The following SLC4A8 variants were observed in gnomAD, a reference collection of about 807,000 sequenced individuals.
The protein encoded by SLC4A8 is electroneutral sodium bicarbonate exchanger 1.
In SLC4A8, 40 loss-of-function variants were observed where a neutral mutation model predicts 125.0. The observed-to-expected ratio is 0.32, with a 90% confidence interval of 0.25 to 0.42. SLC4A8 has a LOEUF of 0.42. Ranked by LOEUF, SLC4A8 falls within the 10% of genes least tolerant of loss-of-function variation. SLC4A8 has a pLI of 1.00. For synonymous variants in SLC4A8, 456 were observed against 476.0 expected, an observed-to-expected ratio of 0.96 and a Z score of 0.55; for missense variants, 863 against 1,355.1, an observed-to-expected ratio of 0.64 and a Z score of 5.70.
chr12:51,501,997 T>C (rs938197016), intron 22 of SLC4A8: 1 of 152,170 alleles, frequency 6.6e-6, no homozygotes, highest in Non-Finnish European at 1.5e-5. Context: ...TTCGCTTCTA[T>C]GCACCAATAA....
At chr12:51,435,431 C>T (rs1203466901) in intron 1 of SLC4A8, among the ~76,000 whole-genome samples, 1 of 151,980 alleles carries the variant, frequency 6.6e-6, no homozygotes, top group Non-Finnish European at 1.5e-5. Flanking sequence ...TTAGTGTTAT[C>T]CTCCAAATGT....
chr12:51,399,331 C>A (rs1248898706), intron 1 of SLC4A8, among the ~76,000 whole-genome samples: 1 of 151,800 alleles, frequency 6.6e-6, no homozygotes, highest in Admixed American at 6.6e-5. Context: ...AGTCTCCCTC[C>A]TTCTCCCATC....
At chr12:51,500,926 C>T (rs1007969716) in intron 22 of SLC4A8, among the ~76,000 whole-genome samples, 8 of 150,772 alleles carry the variant, frequency 5.3e-5, no homozygotes, top group Non-Finnish European at 1.2e-4. Context: ...ATGTGCACAA[C>T]GTGCAGGTTT....
chr12:51,423,815 C>T (rs1948853066), upstream of SLC4A8, among the ~76,000 whole-genome samples: 1 of 152,022 alleles, frequency 6.6e-6, no homozygotes, highest in East Asian at 1.9e-4. Context: ...GGGCAGATCA[C>T]CTGAGGTCAG....
chr12:51,491,793 A>C (rs1951326581), intron 19 of SLC4A8, among the ~76,000 whole-genome samples: 1 of 148,858 alleles, frequency 6.7e-6, no homozygotes, highest in African/African-American at 2.6e-5. Flanking sequence ...CTTTAACAGA[A>C]ATGATGCCTT....
intron 16 of SLC4A8, among the ~76,000 whole-genome samples, chr12:51,485,314 G>T (rs979436085): frequency 1.3e-5 from 2 of 152,168 alleles, no homozygotes; most frequent in Non-Finnish European, 2.9e-5. Flanking sequence ...GTGGTGACTT[G>T]GATCTGGGTG....
At chr12:51,464,468 G>A (rs1950451858) in intron 11 of SLC4A8, among the ~76,000 whole-genome samples, 1 of 152,170 alleles carries the variant, frequency 6.6e-6, no homozygotes, top group South Asian at 2.1e-4. Context: ...GATGTCCAAG[G>A]AGGAGGTAAG....
At chr12:51,502,558 T>TCTCG (rs1329220922) in intron 22 of SLC4A8, among the ~76,000 whole-genome samples, 1 of 150,932 alleles carries the variant, frequency 6.6e-6, no homozygotes, top group Non-Finnish European at 1.5e-5. Context: ...TGAGATGGAG[T>TCTCG]CTCGCTCTGT....
intron 16 of SLC4A8, 142 bp from the exon 17 acceptor site, chr12:51,485,645 C>T: frequency 1.7e-6 from 1 of 593,352 alleles, no homozygotes; most frequent in East Asian, 2.8e-5. Flanking sequence ...TTAACATATT[C>T]CTGTTGTTTA....
At chr12:51,415,992 G>A (rs896072783) in intron 1 of SLC4A8, among the ~76,000 whole-genome samples, 44 of 151,612 alleles carry the variant, frequency 2.9e-4, no homozygotes, top group South Asian at 2.1e-4. Flanking sequence ...TTACCAAAAG[G>A]TAAGAGTACG....
At chr12:51,409,510 G>C (rs1948556824) in intron 1 of SLC4A8, among the ~76,000 whole-genome samples, 1 of 151,848 alleles carries the variant, frequency 6.6e-6, no homozygotes, top group African/African-American at 2.4e-5. Flanking sequence ...AGGTTTTCTA[G>C]GTTTACAATA....
intron 1 of SLC4A8, among the ~76,000 whole-genome samples, chr12:51,431,329 CT>C (rs1555188136): frequency 6.6e-6 from 1 of 152,190 alleles, no homozygotes; most frequent in Non-Finnish European, 1.5e-5. Context: ...ACCTTAATTC[CT>C]CTTTGCCATT....
At chr12:51,422,963 G>T (rs1948825055), upstream of SLC4A8, among the ~76,000 whole-genome samples, 2 of 152,140 alleles carry the variant, frequency 1.3e-5, no homozygotes, top group African/African-American at 4.8e-5. Flanking sequence ...TCCCTGATAA[G>T]CCTGTTAAGC....
intron 22 of SLC4A8, among the ~76,000 whole-genome samples, chr12:51,500,756 G>T (rs1397097372): frequency 1.3e-5 from 2 of 151,020 alleles, no homozygotes; most frequent in Non-Finnish European, 1.5e-5. Context: ...GCGCTATCTC[G>T]GCTCACTGCA....
At chr12:51,392,648 C>G (rs1258962057) in intron 1 of SLC4A8, 1 of 151,742 alleles carries the variant, frequency 6.6e-6, no homozygotes, top group Non-Finnish European at 1.5e-5. Flanking sequence ...TTCCGAAACT[C>G]GGGTTGGGCC....
intron 1 of SLC4A8, among the ~76,000 whole-genome samples, chr12:51,409,282 A>T (rs1338074996): frequency 1.3e-5 from 2 of 152,118 alleles, no homozygotes; most frequent in Non-Finnish European, 2.9e-5. Flanking sequence ...TATTTTAATG[A>T]CTTTTTTTCT....
chr12:51,499,098 T>A (rs558138912), intron 22 of SLC4A8, among the ~76,000 whole-genome samples: 1 of 151,860 alleles, frequency 6.6e-6, no homozygotes, highest in South Asian at 2.1e-4. Flanking sequence ...GGAGAATCAC[T>A]TGAACCCGGG....
At chr12:51,451,410 C>T (rs1389444455) in intron 3 of SLC4A8, among the ~76,000 whole-genome samples, 2 of 152,006 alleles carry the variant, frequency 1.3e-5, no homozygotes, top group Non-Finnish European at 2.9e-5. Flanking sequence ...CACCCGGCCA[C>T]TGTTTTTAAA....
Position 51,474,692 on chromosome 12 carries a change from G to A in SLC4A8, c.2010+245G>A. 7.9e-6 allele frequency: 5 copies of A among 631,884 alleles called. No individual in the cohort carries two copies. In the East Asian group the frequency reaches 1.4e-4, roughly 18 times the overall value. 39.1% of individuals were successfully genotyped at this position (631,884 alleles called of 1,614,324 possible). Reference sequence around the variant, plus strand: ...CCCAGTGACCCTGCACTAAGGATAGGTGGGGATGAAACCATGCAGGACAGG... The same window carrying A: ...CCCAGTGACCCTGCACTAAGGATAGATGGGGATGAAACCATGCAGGACAGG... On this transcript the variant is annotated intron_variant, in intron 15 of 24. Coordinates refer to ENST00000453097, the MANE Select transcript of SLC4A8 (RefSeq NM_001039960.3).
Sources: gnomAD v4.1 joint callset for allele counts (sites outside exome capture counted in the v4.1 genomes callset) on GRCh38, gnomAD v4.1.1 for gene constraint, MANE v1.5 for transcripts, NCBI Gene and HGNC (gene_info 2026-07-23, HGNC 2026-07-21) for gene names.